MPHOSPH8: variants seen among roughly 807,000 people sequenced by gnomAD.
MPHOSPH8 encodes M-phase phosphoprotein, mpp.
In MPHOSPH8, 45 loss-of-function variants were observed where a neutral mutation model predicts 87.3. The observed-to-expected ratio is 0.52, with a 90% confidence interval of 0.41 to 0.66. The LOEUF (loss-of-function observed/expected upper bound fraction) is 0.66, where lower values mean the gene tolerates loss of function less well. Ranked by LOEUF, MPHOSPH8 falls within the 30% of genes least tolerant of loss-of-function variation. The pLI is 0.00. For synonymous variants in MPHOSPH8, 366 were observed against 376.9 expected (o/e 0.97, Z 0.33); for missense variants, 883 against 1,020.2 (o/e 0.87, Z 1.83).
chr13:19,661,107 AG>A (rs1875502856), intron 7 of MPHOSPH8: 2 of 313,448 alleles, frequency 6.4e-6, no homozygotes, highest in Non-Finnish European at 4.6e-6. Flanking sequence ...AAAGAAAGAA[AG>A]AAAAACAACA....
chr13:19,667,932 G>A (rs544990771), intron 10 of MPHOSPH8, among the ~76,000 whole-genome samples: 4 of 152,242 alleles, frequency 2.6e-5, no homozygotes, highest in Admixed American at 1.3e-4. Flanking sequence ...CTGGGACCGC[G>A]CCTGTTGAAC....
chr13:19,641,012 A>G (rs1874259549), intron 1 of MPHOSPH8, among the ~76,000 whole-genome samples: 1 of 152,206 alleles, frequency 6.6e-6, no homozygotes, highest in South Asian at 2.1e-4. Context: ...TGTTTTCAGT[A>G]TCCATTTATT....
intron 2 of MPHOSPH8, among the ~76,000 whole-genome samples, chr13:19,643,100 G>C (rs563687739): frequency 1.3e-5 from 2 of 152,120 alleles, no homozygotes; most frequent in African/African-American, 4.8e-5. Flanking sequence ...AGTATTTTTA[G>C]CTTTTTTTTC....
intron 5 of MPHOSPH8, among the ~76,000 whole-genome samples, chr13:19,657,913 G>T (rs1199516487): frequency 6.6e-6 from 1 of 152,240 alleles, no homozygotes; most frequent in Admixed American, 6.5e-5. Flanking sequence ...TCACTGCTGT[G>T]TGTCTCTGAG....
Position 19,647,220 on chromosome 13 carries a change from G to C in MPHOSPH8, c.1147G>C (p.Ala383Pro), listed in dbSNP as rs566681314. The change falls in exon 3 of 14, where the codon GCC becomes CCC. Residue 383 changes from alanine (A) to proline (P), a missense_variant. Transcript: ENST00000361479. ...GTTAGAGAAGCTGATGCCTGTATCT[G>C]CCCAAACGCCAAAGGGCCGGAGGTT... ...AELEKLMPVS[A>P]QTPKGRRLSG... The C allele has an allele frequency of 1.2e-6, 2 of 1,614,072 alleles. No individual in the cohort carries two copies. The highest frequency in any genetic ancestry group is 2.7e-5 in the African/African-American group (2 of 75,030).
Position 19,660,220 on chromosome 13 carries a change from C to T in MPHOSPH8, c.1791+931C>T, listed in dbSNP as rs569078057. Among the ~76,000 whole-genome samples the T allele has an allele frequency of 2.6e-5, 4 of 151,660 alleles. No individual in the cohort carries two copies. In the East Asian group the frequency reaches 5.8e-4, roughly 22 times the overall value. ...CCTGACCTTGTGATCTGCCTGCCTC[C>T]GCCTCCCAAAGTGCTGGGATTACAG... On this transcript the variant is annotated intron_variant, in intron 7 of 13. Transcript: ENST00000361479.
chr13:19,670,146 C>T (rs1169092469), intron 11 of MPHOSPH8, 90 bp from the exon 12 acceptor site: 25 of 1,502,258 alleles, frequency 1.7e-5, no homozygotes, highest in Admixed American at 1.0e-4. Flanking sequence ...CCAGGCCCAG[C>T]TCAGGGGCCT....
At chr13:19,646,012 G>A (rs1043050951) in intron 2 of MPHOSPH8, among the ~76,000 whole-genome samples, 2 of 152,100 alleles carry the variant, frequency 1.3e-5, no homozygotes, top group African/African-American at 4.8e-5. Context: ...AAACGTAGGA[G>A]CAAGTTTAAG....
intron 2 of MPHOSPH8, among the ~76,000 whole-genome samples, chr13:19,643,189 A>G (rs1323750505): frequency 1.3e-5 from 2 of 152,018 alleles, no homozygotes; most frequent in Non-Finnish European, 2.9e-5. Flanking sequence ...GGTAAAATCT[A>G]TTTTCTGCGC....
chr13:19,648,357 T>C, intron 3 of MPHOSPH8, 65 bp from the exon 4 acceptor site: 1 of 1,040,630 alleles, frequency 9.6e-7, no homozygotes, highest in Non-Finnish European at 1.4e-6. Flanking sequence ...ATTTTCCGGT[T>C]CTCAAATAAA....
chr13:19,640,049 T>G (rs1874206539), intron 1 of MPHOSPH8, among the ~76,000 whole-genome samples: 1 of 151,734 alleles, frequency 6.6e-6, no homozygotes, highest in African/African-American at 2.4e-5. Flanking sequence ...GAGGTTGCAG[T>G]GAGCCAAGAT....
chr13:19,658,472 C>T (rs200274089), intron 5 of MPHOSPH8, among the ~76,000 whole-genome samples: 7 of 151,882 alleles, frequency 4.6e-5, no homozygotes, highest in African/African-American at 1.5e-4. Flanking sequence ...CAATACCTCA[C>T]GGGGGTGGGT....
chr13:19,635,949 T>A (rs1383391719), intron 1 of MPHOSPH8, among the ~76,000 whole-genome samples: 1 of 152,190 alleles, frequency 6.6e-6, no homozygotes, highest in African/African-American at 2.4e-5. Flanking sequence ...TATAAGCGTC[T>A]GGCATTTCCC....
At chr13:19,665,450 CCT>C (rs1396515987) in intron 9 of MPHOSPH8, among the ~76,000 whole-genome samples, 1 of 152,188 alleles carries the variant, frequency 6.6e-6, no homozygotes, top group African/African-American at 2.4e-5. Context: ...CCCAGAAGGG[CCT>C]CTCACCCTCC....
chr13:19,666,513 C>CTG lies in MPHOSPH8; in HGVS notation c.2108_2109insTG (p.Leu704AlafsTer17). The CTG allele has an allele frequency of 6.2e-7, 1 of 1,608,408 alleles. No individual in the cohort carries two copies. Among genetic ancestry groups the CTG allele is most frequent in the East Asian group, 2.2e-5 (1 of 44,722 alleles). On this transcript the variant is annotated frameshift_variant, in exon 10 of 14. Coordinates refer to ENST00000361479, the MANE Select transcript of MPHOSPH8 (RefSeq NM_017520.4). LOFTEE classifies it high-confidence loss of function. ...ATTTTGTCAAAGCACCAGAATAGTG[C>CTG]CCTGCACTTTGCGAAGCAGTCTAAC...
intron 2 of MPHOSPH8, among the ~76,000 whole-genome samples, chr13:19,644,326 C>T (rs990088324): frequency 2.0e-5 from 3 of 152,214 alleles, no homozygotes; most frequent in African/African-American, 7.2e-5. Flanking sequence ...CTGTCCTTTA[C>T]TCCCAGTTAA....
At chr13:19,648,191 G>A (rs903493731) in intron 3 of MPHOSPH8, among the ~76,000 whole-genome samples, 1 of 151,600 alleles carries the variant, frequency 6.6e-6, no homozygotes, top group Non-Finnish European at 1.5e-5. Context: ...TCCTAAAAGA[G>A]GGTTGGAAAA....
At chr13:19,651,624 T>G (rs1874856163) in intron 5 of MPHOSPH8, among the ~76,000 whole-genome samples, 1 of 150,570 alleles carries the variant, frequency 6.6e-6, no homozygotes. Flanking sequence ...AGCCCAGGAG[T>G]TTGAGGCTAT....
At position 19,658,685 on chromosome 13, in the gene MPHOSPH8, T is replaced by C. The variant is rs192184087; in HGVS notation, c.1577-310T>C. On this transcript the variant is annotated intron_variant, in intron 5 of 13. Coordinates refer to ENST00000361479, the MANE Select transcript of MPHOSPH8 (RefSeq NM_017520.4). ...AGTCACATTAGAATTGCATTTCCTCTTACCAGATCCCCGATCCCTCCTTCC... is the reference window on the plus strand; with the variant it reads ...AGTCACATTAGAATTGCATTTCCTCCTACCAGATCCCCGATCCCTCCTTCC... Among the ~76,000 whole-genome samples the C allele has an allele frequency of 1.4e-4, 22 of 152,320 alleles. No homozygotes were observed. The East Asian group carries it at 3.7e-3, about 25-fold the overall frequency.
Sources: allele counts gnomAD v4.1 joint callset (sites outside exome capture counted in the v4.1 genomes callset), GRCh38; gene constraint gnomAD v4.1.1; transcripts MANE v1.5; gene names NCBI Gene and HGNC (gene_info 2026-07-23, HGNC 2026-07-21).